PTPRT: variants seen among roughly 807,000 people sequenced by gnomAD.
PTPRT encodes the protein receptor-type tyrosine-protein phosphatase T.
PTPRT carries 56 observed loss-of-function variants against 176.8 expected under a neutral mutation model. The ratio of observed to expected loss-of-function variants is 0.32; its 90% CI spans 0.26 to 0.40. The LOEUF (loss-of-function observed/expected upper bound fraction) is 0.40. Among genes scored for constraint, PTPRT ranks in the 10% least tolerant of loss-of-function variants. The probability of loss-of-function intolerance (pLI) is 1.00; values close to 1 mark genes in which losing one functional copy is unlikely to be tolerated. For synonymous variants in PTPRT, 783 were observed against 739.0 expected (o/e 1.06, Z -0.96); for missense variants, 1,540 against 1,908.2 (o/e 0.81, Z 3.60).
chr20:42,289,715 C>G (rs73257056), intron 12 of PTPRT, among the ~76,000 whole-genome samples: 2,719 of 152,072 alleles, frequency 0.018, 79 homozygotes, highest in African/African-American at 0.063. Context: ...TTCTCTTGTA[C>G]ATTGTGTCAT....
intron 1 of PTPRT, among the ~76,000 whole-genome samples, chr20:43,152,620 T>C (rs1230621641): frequency 6.6e-6 from 1 of 152,220 alleles, no homozygotes; most frequent in Non-Finnish European, 1.5e-5. Flanking sequence ...ATTCATAGCA[T>C]CTTGTATTTC....
At chr20:42,923,175 C>G (rs903353029) in intron 1 of PTPRT, among the ~76,000 whole-genome samples, 1 of 152,000 alleles carries the variant, frequency 6.6e-6, no homozygotes, top group Non-Finnish European at 1.5e-5. Context: ...GGAGAAAAAA[C>G]CTAGCAATCC....
intron 7 of PTPRT, among the ~76,000 whole-genome samples, chr20:42,621,857 A>G (rs1405997123): frequency 7.2e-5 from 11 of 152,148 alleles, no homozygotes; most frequent in East Asian, 1.9e-4. Context: ...CCTACATCCA[A>G]TAATAGTTAT....
intron 1 of PTPRT, among the ~76,000 whole-genome samples, chr20:43,016,579 T>TTTTTTTTTTTTTTTTTGG (rs1335110796): frequency 7.6e-6 from 1 of 131,380 alleles, no homozygotes; most frequent in African/African-American, 2.9e-5. Context: ...TTTTTTTTTT[T>TTTTTTTTTTTTTTTTTGG]GAGGCAGAGT....
chr20:42,933,476 C>T (rs1979991672), intron 1 of PTPRT, among the ~76,000 whole-genome samples: 1 of 152,162 alleles, frequency 6.6e-6, no homozygotes, highest in South Asian at 2.1e-4. Context: ...TTTTTCCAGT[C>T]CCGAGCATGG....
intron 6 of PTPRT, among the ~76,000 whole-genome samples, chr20:42,715,035 C>T (rs1216713512): frequency 6.6e-6 from 1 of 152,134 alleles, no homozygotes; most frequent in Non-Finnish European, 1.5e-5. Context: ...GTTGAGGCTT[C>T]AGAAAGAGCA....
At chr20:42,350,231 T>TGTTTTG (rs1568799552) in intron 11 of PTPRT, among the ~76,000 whole-genome samples, 1 of 134,632 alleles carries the variant, frequency 7.4e-6, no homozygotes, top group Non-Finnish European at 1.6e-5. Context: ...TTTTTTTTTT[T>TGTTTTG]TTTTTTTTTT....
intron 14 of PTPRT, among the ~76,000 whole-genome samples, chr20:42,246,689 G>T (rs1332945233): frequency 1.3e-5 from 2 of 152,222 alleles, no homozygotes; most frequent in African/African-American, 4.8e-5. Flanking sequence ...TGATGGTGAC[G>T]TGGGTTAAGC....
chr20:42,329,506 C>T (rs952052587), intron 11 of PTPRT, among the ~76,000 whole-genome samples: 4 of 148,728 alleles, frequency 2.7e-5, no homozygotes, highest in Non-Finnish European at 5.9e-5. Context: ...CACACACATA[C>T]ACACACACAC....
At chr20:42,287,252 G>A (rs986826215) in intron 12 of PTPRT, among the ~76,000 whole-genome samples, 4 of 151,830 alleles carry the variant, frequency 2.6e-5, no homozygotes, top group Non-Finnish European at 4.4e-5. Context: ...TCCAAAGGAA[G>A]ATAAATCAAT....
intron 12 of PTPRT, among the ~76,000 whole-genome samples, chr20:42,312,804 T>A (rs927615680): frequency 4.6e-3 from 28 of 6,112 alleles, no homozygotes; most frequent in African/African-American, 0.011. Flanking sequence ...GTGAGATCCT[T>A]TTTTTTTTTT....
chr20:43,019,379 G>A lies in PTPRT; in HGVS notation c.89-133447C>T, dbSNP rs186663597. Among the ~76,000 whole-genome samples, 884 of 152,240 alleles carry A rather than the reference G, an allele frequency of 5.8e-3. 5 individuals are homozygous for A. The highest frequency in any genetic ancestry group is 0.02 in the Middle Eastern group (6 of 294). Reference sequence around the variant, plus strand: ...CTCACACCAGTAATCCCAGCACTTTGGGAGGTCAAGGCGGGCAGATCACGA... The same window carrying A: ...CTCACACCAGTAATCCCAGCACTTTAGGAGGTCAAGGCGGGCAGATCACGA... On this transcript the variant is annotated intron_variant, in intron 1 of 30. Transcript: ENST00000373187.
intron 1 of PTPRT, among the ~76,000 whole-genome samples, chr20:43,156,593 C>A (rs971418530): frequency 6.6e-6 from 1 of 152,178 alleles, no homozygotes; most frequent in African/African-American, 2.4e-5. Context: ...TGAGACCCCA[C>A]CCCACCATCT....
At chr20:42,573,749 C>CTTTTTTTTTTTT (rs150938657) in intron 7 of PTPRT, among the ~76,000 whole-genome samples, 2 of 112,574 alleles carry the variant, frequency 1.8e-5, no homozygotes, top group African/African-American at 7.0e-5. Context: ...TTCTTTCTTT[C>CTTTTTTTTTTTT]TTTTTTTTTT....
chr20:42,656,171 G>A (rs990931427), intron 7 of PTPRT, among the ~76,000 whole-genome samples: 3 of 152,166 alleles, frequency 2.0e-5, no homozygotes, highest in African/African-American at 4.8e-5. Flanking sequence ...TTGTTCTTAG[G>A]TATGGAGGCA....
At chr20:42,229,527 T>C (rs1434691438) in intron 15 of PTPRT, among the ~76,000 whole-genome samples, 1 of 152,234 alleles carries the variant, frequency 6.6e-6, no homozygotes, top group Non-Finnish European at 1.5e-5. Flanking sequence ...TTAAAATGCC[T>C]GTTTAAATAT....
At chr20:42,484,122 G>A (rs773433844) in intron 7 of PTPRT, among the ~76,000 whole-genome samples, 4 of 152,120 alleles carry the variant, frequency 2.6e-5, no homozygotes, top group African/African-American at 4.8e-5. Flanking sequence ...GTGTTTTCAT[G>A]TTCTCTTTTA....
At chr20:42,583,319 C>T (rs1436669915) in intron 7 of PTPRT, among the ~76,000 whole-genome samples, 3 of 152,180 alleles carry the variant, frequency 2.0e-5, no homozygotes, top group African/African-American at 7.2e-5. Context: ...TGCTCAAAGG[C>T]CTACCTGCCT....
intron 15 of PTPRT, among the ~76,000 whole-genome samples, chr20:42,213,963 A>C (rs1401920656): frequency 3.9e-5 from 6 of 152,236 alleles, no homozygotes; most frequent in African/African-American, 1.4e-4. Flanking sequence ...TGTTTAATAA[A>C]CATTATAGAG....
Sources: gnomAD v4.1 joint callset for allele counts (sites outside exome capture counted in the v4.1 genomes callset) on GRCh38, gnomAD v4.1.1 for gene constraint, MANE v1.5 for transcripts, NCBI Gene and HGNC (gene_info 2026-07-23, HGNC 2026-07-21) for gene names.